ANKRD28: variants seen among roughly 807,000 people sequenced by gnomAD.
The protein encoded by ANKRD28 is serine/threonine-protein phosphatase 6 regulatory ankyrin repeat subunit A.
A neutral mutation model predicts 126.5 loss-of-function variants in ANKRD28; 44 were observed. That is an observed-to-expected ratio of 0.35 (90% confidence interval 0.27 to 0.45). The LOEUF (loss-of-function observed/expected upper bound fraction) is 0.45, where lower values mean the gene tolerates loss of function less well. Among genes scored for constraint, ANKRD28 ranks in the 20% least tolerant of loss-of-function variants. ANKRD28 has a pLI of 1.00. For synonymous variants in ANKRD28, 442 were observed against 468.5 expected (o/e 0.94, Z 0.73); for missense variants, 1,110 against 1,316.6 (o/e 0.84, Z 2.43).
intron 2 of ANKRD28, among the ~76,000 whole-genome samples, chr3:15,769,078 T>A (rs1026565863): frequency 2.0e-5 from 3 of 152,224 alleles, no homozygotes; most frequent in African/African-American, 7.2e-5. Flanking sequence ...AGTGTTTAAA[T>A]ATGATCAGAT....
At position 15,690,208 on chromosome 3, in the gene ANKRD28, G is replaced by A; in HGVS notation, c.1774C>T (p.His592Tyr). The A allele has an allele frequency of 6.3e-7, 1 of 1,598,368 alleles. No individual in the cohort carries two copies. The highest frequency in any genetic ancestry group is 8.5e-7 in the Non-Finnish European group (1 of 1,171,798). ...SPLHLAAYHGHHQALEVLVQS... is the reference protein window; with the variant it reads ...SPLHLAAYHGYHQALEVLVQS... The stretch of plus-strand genomic sequence containing the variant: ...ACCAACACTTCCAGTGCTTGATGGT[G>A]ACCATGATAGGCCTAGAAATAAATA... The change falls in exon 18 of 28, where the codon CAC becomes TAC. Residue 592 changes from histidine (H) to tyrosine (Y), a missense_variant. Physicochemically the swap from His to Tyr is moderately conservative, Grantham distance 83 (BLOSUM62 2). Transcript: ENST00000683139.
Position 15,686,132 on chromosome 3 carries a change from A to T in ANKRD28, c.2052-13T>A. 6.2e-7 allele frequency: 1 copy of T among 1,610,194 alleles called. No homozygotes were observed. Among genetic ancestry groups the T allele is most frequent in the Non-Finnish European group, 8.5e-7 (1 of 1,177,782 alleles). On this transcript the variant is annotated splice_polypyrimidine_tract_variant and intron_variant, in intron 19 of 27. Transcript: ENST00000683139. ...CATCAGAGGCGTCCTGAGCAACAAC[A>T]GGAATAGGTTCAGTGCTGTCACTTA...
At position 15,833,495 on chromosome 3, in the gene ANKRD28, T is replaced by C. The variant is rs1398781726; in HGVS notation, c.27+25882A>G. Among the ~76,000 whole-genome samples, 1 of 148,480 alleles carries C rather than the reference T, an allele frequency of 6.7e-6. No homozygotes were observed. The stretch of plus-strand genomic sequence containing the variant: ...TTCATATATATATAATATATAAAAA[T>C]ATACTACATATTATGTACTATATAT... On this transcript the variant is annotated intron_variant, in intron 1 of 27. Coordinates refer to the ANKRD28 transcript ENST00000399451. This position sits in a 1 kb window ranked among gnomAD's most constrained non-coding sequence, Gnocchi z 4.4.
intron 6 of ANKRD28, chr3:15,731,874 A>AGGG (rs71632854): frequency 3.4e-5 from 2 of 59,090 alleles, no homozygotes; most frequent in Non-Finnish European, 5.9e-5. Context: ...AAAAAAAAAA[A>AGGG]GGGGGGGGGG....
chr3:15,846,416 C>T lies in ANKRD28; in HGVS notation c.27+12961G>A, dbSNP rs2061532199. Among the ~76,000 whole-genome samples the T allele has an allele frequency of 6.6e-6, 1 of 152,250 alleles. No individual in the cohort carries two copies. Among genetic ancestry groups the T allele is most frequent in the African/African-American group, 2.4e-5 (1 of 41,464 alleles). On this transcript the variant is annotated intron_variant, in intron 1 of 27. Transcript: ENST00000399451. This position sits in a 1 kb window ranked among gnomAD's most constrained non-coding sequence, Gnocchi z 5.4. ...GATGCAAGAGGTGAGCTCTCAAGGC[C>T]TTGGGCAGCTCTGCCCCTGTGGCTC...
chr3:15,859,258 C>CCA, intron 1 of ANKRD28: 2 of 1,411,764 alleles, frequency 1.4e-6, no homozygotes, highest in Non-Finnish European at 9.4e-7. Context: ...CGGGGCAGGA[C>CCA]CCCCGTTTCC....
At chr3:15,751,638 G>C in intron 4 of ANKRD28, 112 bp downstream of exon 4, 1 of 721,292 alleles carries the variant, frequency 1.4e-6, no homozygotes. Flanking sequence ...ACCAGTCAAG[G>C]TATCTCAGTA....
Position 15,670,066 on chromosome 3 carries a change from C to A in ANKRD28, c.*204G>T, listed in dbSNP as rs1267125563. On this transcript the variant is annotated 3_prime_UTR_variant, in exon 28 of 28. Coordinates refer to ENST00000683139, the MANE Select transcript of ANKRD28 (RefSeq NM_001349278.2). The stretch of plus-strand genomic sequence containing the variant: ...CTGACATCAATGTGTTTTCCTCAGT[C>A]AGGTCTATTTCAAGATTCTAGAAGT... 1 of 560,208 alleles carries A rather than the reference C, an allele frequency of 1.8e-6. No individual in the cohort carries two copies. The highest frequency in any genetic ancestry group is 3.1e-6 in the Non-Finnish European group (1 of 321,206). The allele number at this position is 560,208 out of a possible 1,614,324, so 34.7% of individuals were successfully genotyped here.
chr3:15,670,229 G>A lies in ANKRD28; in HGVS notation c.*41C>T, dbSNP rs2066208251. ...AGTGCCTTTTTCCTGAAAAAGCACA[G>A]TTTGAAGCTTTACTGTGAGAACTCC... is the stretch of plus-strand genomic sequence containing the variant. On this transcript the variant is annotated 3_prime_UTR_variant, in exon 28 of 28. Coordinates refer to ENST00000683139, the MANE Select transcript of ANKRD28 (RefSeq NM_001349278.2). 3 of 1,595,938 alleles carry A rather than the reference G, an allele frequency of 1.9e-6. No homozygotes were observed. Among genetic ancestry groups the A allele is most frequent in the African/African-American group, 1.3e-5 (1 of 74,600 alleles).
At position 15,670,496 on chromosome 3, in the gene ANKRD28, A is replaced by G; in HGVS notation, c.3026T>C (p.Ile1009Thr). 1 of 1,613,984 alleles carries G rather than the reference A, an allele frequency of 6.2e-7. No homozygotes were observed. Among genetic ancestry groups the G allele is most frequent in the Non-Finnish European group, 8.5e-7 (1 of 1,179,866 alleles). The change falls in exon 28 of 28, where the codon ATT (isoleucine) becomes ACT (threonine). Residue 1009 changes from isoleucine (I) to threonine (T), a missense_variant. By Grantham distance (89) the Ile-to-Thr change is moderately conservative. Transcript: ENST00000683139. ...TGAGACAGGCATCATGGTGGCCAAAATGAGAGCCAGGCAATCAGCCACATC... is the reference window on the plus strand; with the variant it reads ...TGAGACAGGCATCATGGTGGCCAAAGTGAGAGCCAGGCAATCAGCCACATC... The part of the protein sequence containing the change: ...NKDVADCLAL[I>T]LATMMPVSSS...
At chr3:15,739,556 A>G (rs1220944364) in intron 4 of ANKRD28, among the ~76,000 whole-genome samples, 2 of 152,198 alleles carry the variant, frequency 1.3e-5, no homozygotes, top group African/African-American at 4.8e-5. Flanking sequence ...AACTAACCCT[A>G]AATGTTCTTA....
intron 1 of ANKRD28, among the ~76,000 whole-genome samples, chr3:15,835,934 G>A (rs1374883844): frequency 6.6e-6 from 1 of 152,106 alleles, no homozygotes; most frequent in Non-Finnish European, 1.5e-5. Flanking sequence ...CAGTATAAAA[G>A]GCTGTATAAA....
chr3:15,771,855 A>C (rs2059028698), intron 2 of ANKRD28, among the ~76,000 whole-genome samples: 1 of 152,258 alleles, frequency 6.6e-6, no homozygotes, highest in Non-Finnish European at 1.5e-5. Context: ...TTCTTTGGCC[A>C]TAACAAAATT....
chr3:15,723,682 G>A (rs1221867739), intron 7 of ANKRD28, among the ~76,000 whole-genome samples: 1 of 152,052 alleles, frequency 6.6e-6, no homozygotes, highest in Non-Finnish European at 1.5e-5. Context: ...TAGGTGGCAG[G>A]ATCACTTGAG....
intron 1 of ANKRD28, among the ~76,000 whole-genome samples, chr3:15,795,508 T>A (rs939895456): frequency 2.0e-5 from 3 of 151,766 alleles, no homozygotes; most frequent in African/African-American, 7.3e-5. Context: ...AAAAAAAAAA[T>A]CAATTCAGTT....
chr3:15,825,337 T>A (rs2061037358), intron 1 of ANKRD28, among the ~76,000 whole-genome samples: 1 of 152,246 alleles, frequency 6.6e-6, no homozygotes. Flanking sequence ...TGTACAACGC[T>A]AATTTTTCAA....
At chr3:15,767,719 A>G (rs2058811968) in intron 2 of ANKRD28, among the ~76,000 whole-genome samples, 2 of 72,994 alleles carry the variant, frequency 2.7e-5, no homozygotes, top group Non-Finnish European at 6.1e-5. Context: ...AAAAAAAAAA[A>G]AAAAAAAAAA....
intron 27 of ANKRD28, among the ~76,000 whole-genome samples, chr3:15,671,878 C>T (rs1038365284): frequency 1.3e-5 from 2 of 152,032 alleles, no homozygotes; most frequent in Non-Finnish European, 2.9e-5. Context: ...ACCACCTTAC[C>T]CAGCCTACAG....
intron 2 of ANKRD28, among the ~76,000 whole-genome samples, chr3:15,791,846 C>A (rs2060041906): frequency 6.6e-6 from 1 of 152,130 alleles, no homozygotes; most frequent in South Asian, 2.1e-4. Flanking sequence ...TTGCAAACTA[C>A]CCCTCTGACA....
Sources: allele counts gnomAD v4.1 joint callset (sites outside exome capture counted in the v4.1 genomes callset), GRCh38; gene constraint gnomAD v4.1.1; non-coding constraint Gnocchi (gnomAD v3.1); transcripts MANE v1.5; gene names NCBI Gene and HGNC (gene_info 2026-07-23, HGNC 2026-07-21).